The following ORC5 variants were observed in gnomAD, a reference collection of about 807,000 sequenced individuals.
The protein encoded by ORC5 is origin recognition complex subunit 5, also known as protein phosphatase 1, regulatory subunit 117.
A neutral mutation model predicts 58.8 loss-of-function variants in ORC5; 39 were observed. The observed-to-expected ratio is 0.66, with a 90% CI of 0.51 to 0.87. The LOEUF is 0.87. Among genes scored for constraint, ORC5 ranks in the 40% least tolerant of loss-of-function variants. ORC5 has a pLI of 0.00. For missense variants in ORC5, 493 were observed against 506.3 expected, an observed-to-expected ratio of 0.97 and a Z score of 0.25; for synonymous variants, 218 against 177.6, an observed-to-expected ratio of 1.23 and a Z score of -1.81.
intron 12 of ORC5, among the ~76,000 whole-genome samples, chr7:104,144,229 C>T (rs559204735): frequency 7.8e-4 from 118 of 152,234 alleles, no homozygotes; most frequent in African/African-American, 2.6e-3. Context: ...CAAAATCAAG[C>T]ACAAAGATTA....
At chr7:104,152,642 T>G (rs528660047) in intron 12 of ORC5, among the ~76,000 whole-genome samples, 1 of 152,284 alleles carries the variant, frequency 6.6e-6, no homozygotes, top group South Asian at 2.1e-4. Flanking sequence ...CAAGCACATA[T>G]CCATACAAAC....
chr7:104,144,663 A>G (rs1017007836), intron 12 of ORC5, among the ~76,000 whole-genome samples: 1 of 152,214 alleles, frequency 6.6e-6, no homozygotes, highest in Non-Finnish European at 1.5e-5. Context: ...AGGCTGAGGC[A>G]GGAGAATCGC....
intron 12 of ORC5, among the ~76,000 whole-genome samples, chr7:104,142,853 G>A (rs1430615415): frequency 6.6e-6 from 1 of 152,144 alleles, no homozygotes; most frequent in Non-Finnish European, 1.5e-5. Flanking sequence ...CAGAAAGGAT[G>A]GACAGCCAAG....
intron 13 of ORC5, 127 bp from the exon 14 acceptor site, chr7:104,127,020 C>T: frequency 1.8e-6 from 1 of 567,726 alleles, no homozygotes; most frequent in Non-Finnish European, 3.1e-6. Flanking sequence ...CTATCAAATG[C>T]ACCCTGATAG....
Position 104,188,238 on chromosome 7 carries a change from A to G in ORC5, c.684+13T>C. 1 of 1,598,674 alleles carries G rather than the reference A, an allele frequency of 6.3e-7. No individual in the cohort carries two copies. Among genetic ancestry groups the G allele is most frequent in the Non-Finnish European group, 8.6e-7 (1 of 1,167,474 alleles). On this transcript the variant is annotated intron_variant, in intron 6 of 13. Transcript: ENST00000297431. ...CACACATATATATATATTCAAGCAA[A>G]ATGTTCATTTACCAGATGTCTGAGC... is the stretch of plus-strand genomic sequence containing the variant.
chr7:104,194,473 T>C (rs1158218899), intron 5 of ORC5, among the ~76,000 whole-genome samples: 1 of 152,058 alleles, frequency 6.6e-6, no homozygotes, highest in Non-Finnish European at 1.5e-5. Context: ...CACAAAGCTA[T>C]TCAGCAACAC....
chr7:104,182,345 A>G (rs1799451878), intron 8 of ORC5, among the ~76,000 whole-genome samples: 1 of 152,198 alleles, frequency 6.6e-6, no homozygotes, highest in African/African-American at 2.4e-5. Flanking sequence ...CCACATCATA[A>G]TGAGACTCTT....
At chr7:104,158,769 C>T (rs535475700) in intron 12 of ORC5, among the ~76,000 whole-genome samples, 150 of 151,646 alleles carry the variant, frequency 9.9e-4, no homozygotes, top group South Asian at 1.9e-3. Flanking sequence ...AAATCAAAAC[C>T]ACAATGAGAT....
Position 104,195,241 on chromosome 7 carries a change from A to G in ORC5, c.455T>C (p.Val152Ala). The G allele has an allele frequency of 6.5e-7, 1 of 1,548,240 alleles. No homozygotes were observed. The highest frequency in any genetic ancestry group is 1.4e-5 in the African/African-American group (1 of 71,016). Residue 152 changes from valine (V) to alanine (A), a missense_variant, in exon 5 of 14, where the codon GTG becomes GCG. Physicochemically the swap from Val to Ala is moderately conservative, Grantham distance 64. This residue lies in a region of ORC5 where 412 missense variants were observed against 403.7 expected (regional missense o/e 1.02). Coordinates refer to ENST00000297431, the MANE Select transcript of ORC5 (RefSeq NM_002553.4). ...AATTTCACTGAGAAAGAGAACAGTC[A>G]CATTTCTGTCAGCCTGTAAAAAGAA... Reference protein sequence around the residue: ...LRLQELADRNVTVLFLSEIVW... With the variant: ...LRLQELADRNATVLFLSEIVW...
At chr7:104,156,603 C>A (rs922086052) in intron 12 of ORC5, among the ~76,000 whole-genome samples, 2 of 151,586 alleles carry the variant, frequency 1.3e-5, no homozygotes, top group East Asian at 1.9e-4. Context: ...TCAATTTATA[C>A]ACAAAATAAG....
chr7:104,159,174 G>A (rs1798981166), intron 12 of ORC5, among the ~76,000 whole-genome samples: 1 of 150,362 alleles, frequency 6.7e-6, no homozygotes, highest in Admixed American at 6.6e-5. Context: ...CATGTCCTCT[G>A]TAGGGACATG....
intron 8 of ORC5, among the ~76,000 whole-genome samples, chr7:104,170,285 A>G (rs1799187423): frequency 6.6e-6 from 1 of 152,182 alleles, no homozygotes; most frequent in Admixed American, 6.5e-5. Context: ...CTCTGCCTCC[A>G]AAGATACCAA....
rs1312529997 is a variant in ORC5 at position 104,133,229 on chromosome 7, G to A, written c.1262+3552C>T. On this transcript the variant is annotated intron_variant, in intron 13 of 13. Coordinates refer to ENST00000297431, the MANE Select transcript of ORC5 (RefSeq NM_002553.4). This position sits in a 1 kb window ranked among gnomAD's most constrained non-coding sequence, Gnocchi z 4.7. ...ACAGCATGGATAATAAATTATAAGA[G>A]GATAAGAGCAGACAGAAGATCAATT... Among the ~76,000 whole-genome samples the A allele has an allele frequency of 1.3e-5, 2 of 152,114 alleles. No homozygotes were observed. Among genetic ancestry groups the A allele is most frequent in the Non-Finnish European group, 2.9e-5 (2 of 68,028 alleles).
At chr7:104,194,181 T>A (rs1799743971) in intron 5 of ORC5, among the ~76,000 whole-genome samples, 1 of 150,654 alleles carries the variant, frequency 6.6e-6, no homozygotes, top group South Asian at 2.1e-4. Context: ...GGATGAGAAA[T>A]TAATGACAAT....
intron 5 of ORC5, among the ~76,000 whole-genome samples, chr7:104,191,903 G>C (rs150150793): frequency 6.6e-6 from 1 of 152,178 alleles, no homozygotes; most frequent in East Asian, 1.9e-4. Context: ...AGTTGTGAGG[G>C]AGTAGGAACA....
At chr7:104,203,380 G>A (rs568727822) in intron 2 of ORC5, among the ~76,000 whole-genome samples, 4 of 152,118 alleles carry the variant, frequency 2.6e-5, no homozygotes, top group Non-Finnish European at 2.9e-5. Context: ...CAGAAACTAC[G>A]TGGTCCACAA....
intron 9 of ORC5, among the ~76,000 whole-genome samples, chr7:104,167,210 G>C (rs1449841251): frequency 6.6e-6 from 1 of 152,108 alleles, no homozygotes; most frequent in Non-Finnish European, 1.5e-5. Flanking sequence ...TTTCTACTAT[G>C]AATTCCTACT....
At chr7:104,146,668 G>A (rs544972142) in intron 12 of ORC5, among the ~76,000 whole-genome samples, 1 of 152,318 alleles carries the variant, frequency 6.6e-6, no homozygotes, top group African/African-American at 2.4e-5. Context: ...AGAGAGGAAG[G>A]TATGGTCATC....
At chr7:104,188,228 A>C (rs760116518) in intron 6 of ORC5, 23 bp downstream of exon 6, 1 of 1,569,292 alleles carries the variant, frequency 6.4e-7, no homozygotes, top group Non-Finnish European at 8.8e-7. Context: ...ATATATATAT[A>C]TTCAAGCAAA....
Sources: gnomAD v4.1 joint callset for allele counts (sites outside exome capture counted in the v4.1 genomes callset) on GRCh38, gnomAD v4.1.1 for gene constraint, gnomAD v4.1.1 regional missense constraint, Gnocchi (gnomAD v3.1) non-coding constraint, MANE v1.5 for transcripts, NCBI Gene and HGNC (gene_info 2026-07-23, HGNC 2026-07-21) for gene names.